Variants in NUP37 observed in about 807,000 individuals in gnomAD.
NUP37 encodes the protein nucleoporin 37, also known as nucleoporin Nup37.
In NUP37, 33 loss-of-function variants were observed where a neutral mutation model predicts 45.4. That is an observed-to-expected ratio of 0.73 (90% CI 0.55 to 0.97). NUP37 has a LOEUF of 0.97. NUP37 is among the 50% of genes least tolerant of loss of function. The pLI is 0.00. For missense variants in NUP37, 365 were observed against 389.7 expected, an observed-to-expected ratio of 0.94 and a Z score of 0.53; for synonymous variants, 127 against 130.7, an observed-to-expected ratio of 0.97 and a Z score of 0.19.
intron 5 of NUP37, among the ~76,000 whole-genome samples, chr12:102,098,028 C>T (rs1453406418): frequency 6.6e-6 from 1 of 152,130 alleles, no homozygotes; most frequent in Non-Finnish European, 1.5e-5. Context: ...TTTATATGTA[C>T]ATAAGTACTA....
intron 2 of NUP37, among the ~76,000 whole-genome samples, chr12:102,115,216 TTATTA>T (rs1880430115): frequency 1.3e-5 from 2 of 152,224 alleles, no homozygotes; most frequent in Admixed American, 1.3e-4. Context: ...CAGAGTATTA[TTATTA>T]TATTAAAGAT....
At chr12:102,083,400 AAAGACTCAATGGGCCTGGAACAAATTTCC>A (rs1349969928) in intron 6 of NUP37, among the ~76,000 whole-genome samples, 2 of 152,218 alleles carry the variant, frequency 1.3e-5, no homozygotes, top group African/African-American at 4.8e-5. Context: ...TCTACTGATG[AAAGACTCAATGGGCCTGGAACAAATTTCC>A]ATGAAATCCC....
Position 102,120,057 on chromosome 12 carries a change from C to A in NUP37, c.-73G>T, listed in dbSNP as rs1880728221. On this transcript the variant is annotated 5_prime_UTR_variant, in exon 1 of 10. Coordinates refer to ENST00000552283, the MANE Select transcript of NUP37 (RefSeq NM_024057.4). ...TCCCAGCTCGATACGCACCGCAGAG[C>A]GCCAGGAACCGACCAGAGGCAGGCT... The A allele has an allele frequency of 6.4e-6, 1 of 155,076 alleles. No homozygotes were observed. The highest frequency in any genetic ancestry group is 1.4e-5 in the Non-Finnish European group (1 of 69,502). 9.6% of individuals were successfully genotyped at this position (155,076 alleles called of 1,614,324 possible).
At chr12:102,116,989 G>A (rs563936706) in intron 2 of NUP37, among the ~76,000 whole-genome samples, 4 of 152,260 alleles carry the variant, frequency 2.6e-5, no homozygotes, top group Admixed American at 6.5e-5. Context: ...ATGACAGAGC[G>A]AGACTCCGTC....
At chr12:102,113,636 A>C (rs1880377989) in intron 2 of NUP37, among the ~76,000 whole-genome samples, 1 of 152,196 alleles carries the variant, frequency 6.6e-6, no homozygotes, top group South Asian at 2.1e-4. Context: ...AATTTTCGCG[A>C]CAAATTTGTC....
At position 102,085,873 on chromosome 12, in the gene NUP37, AGTATAATGT is replaced by A; in HGVS notation, c.450-26_450-18del. 7.8e-7 allele frequency: 1 copy of A among 1,285,556 alleles called. No individual in the cohort carries two copies. Among genetic ancestry groups the A allele is most frequent in the African/African-American group, 1.5e-5 (1 of 66,760 alleles). 79.6% of individuals were successfully genotyped at this position (1,285,556 alleles called of 1,614,324 possible). On this transcript the variant is annotated intron_variant, in intron 5 of 9. Coordinates refer to ENST00000552283, the MANE Select transcript of NUP37 (RefSeq NM_024057.4). ...TTCCAAATCCTAATAAAAGAATAAC[AGTATAATGT>A]TAATTGTTCTTGATATATCATTACT...
chr12:102,099,065 A>G lies in NUP37; in HGVS notation c.449+41T>C, dbSNP rs780344413. 8 of 1,259,840 alleles carry G rather than the reference A, an allele frequency of 6.4e-6. No individual in the cohort carries two copies. The East Asian group carries it at 1.9e-4, about 29-fold the overall frequency. The allele number at this position is 1,259,840 out of a possible 1,614,324, so 78.0% of individuals were successfully genotyped here. A position where few individuals can be genotyped will look rare whatever the true frequency, so the allele number is the denominator to read the frequency against. On this transcript the variant is annotated intron_variant, in intron 5 of 9. Transcript: ENST00000552283. ...ATTTTAAAAATGTAATTCTCATTAA[A>G]ATGGCAATTTAAAAATGTGGTTATA...
In NUP37 at chr12:102,085,819, C is replaced by T. The variant is rs747290534; in HGVS notation, c.487G>A (p.Val163Ile). ...ACACTCATGCCAGGAGAATGAAGAACAAAATGAGCTGTTTGCACTCCTTCC... is the reference window on the plus strand; with the variant it reads ...ACACTCATGCCAGGAGAATGAAGAATAAAATGAGCTGTTTGCACTCCTTCC... Reference protein sequence around the residue: ...NLEGVQTAHFVLHSPGMSVCW... With the variant: ...NLEGVQTAHFILHSPGMSVCW... The change falls in exon 6 of 10, where the codon GTT becomes ATT. Residue 163 changes from valine to isoleucine, a missense_variant. Coordinates refer to ENST00000552283, the MANE Select transcript of NUP37 (RefSeq NM_024057.4). The T allele has an allele frequency of 6.2e-7, 1 of 1,602,036 alleles. No individual in the cohort carries two copies. Among genetic ancestry groups the T allele is most frequent in the South Asian group, 1.1e-5 (1 of 90,394 alleles).
At chr12:102,119,347 C>T (rs1417942763) in intron 1 of NUP37, 1 of 143,386 alleles carries the variant, frequency 7.0e-6, no homozygotes, top group Non-Finnish European at 1.5e-5. Flanking sequence ...TGCAAACCAC[C>T]ATAGCACACG....
intron 5 of NUP37, among the ~76,000 whole-genome samples, chr12:102,086,507 C>G (rs1337956492): frequency 6.6e-6 from 1 of 152,166 alleles, no homozygotes; most frequent in Non-Finnish European, 1.5e-5. Flanking sequence ...TTTGGTTCTT[C>G]CTGTTCTCAC....
At chr12:102,083,869 C>A (rs181214541) in intron 6 of NUP37, among the ~76,000 whole-genome samples, 1 of 152,128 alleles carries the variant, frequency 6.6e-6, no homozygotes, top group South Asian at 2.1e-4. Context: ...GAAAAGGCCA[C>A]GGGATGTGTT....
At chr12:102,097,278 T>C (rs1565833182) in intron 5 of NUP37, among the ~76,000 whole-genome samples, 1 of 152,194 alleles carries the variant, frequency 6.6e-6, no homozygotes, top group African/African-American at 2.4e-5. Flanking sequence ...CAAATATTTG[T>C]TGAACAATAA....
rs1175138181 is a variant in NUP37 at position 102,100,104 on chromosome 12, G to A, written c.355-904C>T. Among the ~76,000 whole-genome samples, 12 of 152,034 alleles carry A rather than the reference G, an allele frequency of 7.9e-5. 1 individual carries two copies. Among genetic ancestry groups the A allele is most frequent in the Admixed American group, 6.6e-5 (1 of 15,264 alleles). On this transcript the variant is annotated intron_variant, in intron 4 of 9. Transcript: ENST00000552283. ...GTCTACAAGACAAACTAAATTAACC[G>A]TAAATGTTTAATGTGTATTATAACT...
chr12:102,081,991 C>T (rs1459924131), intron 6 of NUP37, among the ~76,000 whole-genome samples: 2 of 152,214 alleles, frequency 1.3e-5, no homozygotes, highest in Non-Finnish European at 2.9e-5. Flanking sequence ...AGCCACTGCT[C>T]CCGGCCACAT....
chr12:102,110,977 C>A (rs1326395315), intron 3 of NUP37, among the ~76,000 whole-genome samples: 1 of 152,202 alleles, frequency 6.6e-6, no homozygotes, highest in Non-Finnish European at 1.5e-5. Flanking sequence ...TGTGACTCAG[C>A]AATTCTACTC....
chr12:102,102,680 A>G (rs1880008333), intron 3 of NUP37, among the ~76,000 whole-genome samples: 1 of 152,152 alleles, frequency 6.6e-6, no homozygotes, highest in African/African-American at 2.4e-5. Flanking sequence ...ACTGTTGTGG[A>G]GATTAATGTT....
chr12:102,103,075 G>A (rs1880021586), intron 3 of NUP37, among the ~76,000 whole-genome samples: 1 of 151,956 alleles, frequency 6.6e-6, no homozygotes, highest in African/African-American at 2.4e-5. Context: ...TTGGCTATCT[G>A]GGGTGTTTTA....
At chr12:102,101,176 C>T in intron 3 of NUP37, 72 bp from the exon 4 acceptor site, 1 of 740,076 alleles carries the variant, frequency 1.4e-6, no homozygotes, top group Non-Finnish European at 2.2e-6. Flanking sequence ...TCCCCCCCAT[C>T]CTTCCCTTCA....
chr12:102,108,696 T>C (rs891220010), intron 3 of NUP37, among the ~76,000 whole-genome samples: 3 of 152,228 alleles, frequency 2.0e-5, no homozygotes, highest in African/African-American at 7.2e-5. Flanking sequence ...TCTACCTAAT[T>C]CTTCTCCTTT....
Sources: gnomAD v4.1 joint callset for allele counts (sites outside exome capture counted in the v4.1 genomes callset) on GRCh38, gnomAD v4.1.1 for gene constraint, MANE v1.5 for transcripts, NCBI Gene and HGNC (gene_info 2026-07-23, HGNC 2026-07-21) for gene names.